The following FSTL1 variants were observed in gnomAD, a reference collection of about 807,000 sequenced individuals.
FSTL1 encodes follistatin-related protein 1.
FSTL1 carries 24 observed loss-of-function variants against 45.9 expected under a neutral mutation model. The observed-to-expected ratio is 0.52, with a 90% CI of 0.38 to 0.74. The LOEUF (loss-of-function observed/expected upper bound fraction) is 0.74. Among genes scored for constraint, FSTL1 ranks in the 30% least tolerant of loss-of-function variants. The pLI, the probability that FSTL1 is intolerant of heterozygous loss-of-function variation, is 0.00. For synonymous variants in FSTL1, 120 were observed against 137.6 expected, an observed-to-expected ratio of 0.87 and a Z score of 0.89; for missense variants, 340 against 381.8, an observed-to-expected ratio of 0.89 and a Z score of 0.91.
In FSTL1 at chr3:120,402,683, C is replaced by T. The variant is rs919973525; in HGVS notation, c.805+125G>A. 4.4e-6 allele frequency: 3 copies of T among 679,818 alleles called. No individual in the cohort carries two copies. In the African/African-American group the frequency reaches 5.3e-5, roughly 12 times the overall value. The allele number at this position is 679,818 out of a possible 1,614,324, so 42.1% of individuals were successfully genotyped here. A position where few individuals can be genotyped will look rare whatever the true frequency, so the allele number is the denominator to read the frequency against. On this transcript the variant is annotated intron_variant, in intron 9 of 10. Coordinates refer to ENST00000295633, the MANE Select transcript of FSTL1 (RefSeq NM_007085.5). ...GGGCTCCAACCTTACAGGTGTGGGT[C>T]TGCCTGGGTTCCTTGCTCCCAGCCA...
In FSTL1 at chr3:120,407,066, T is replaced by G. The variant is rs572758701; in HGVS notation, c.463-2095A>C. Among the ~76,000 whole-genome samples the G allele has an allele frequency of 8.5e-5, 13 of 152,340 alleles. 1 individual carries two copies. In the East Asian group the frequency reaches 2.3e-3, roughly 27 times the overall value. Reference sequence around the variant, plus strand: ...ATGCTACCCATCACATGAATTCAGGTGTGAAATTTTCCACTTATGGCATCA... The same window carrying G: ...ATGCTACCCATCACATGAATTCAGGGGTGAAATTTTCCACTTATGGCATCA... On this transcript the variant is annotated intron_variant, in intron 6 of 10. Coordinates refer to ENST00000295633, the MANE Select transcript of FSTL1 (RefSeq NM_007085.5).
intron 7 of FSTL1, among the ~76,000 whole-genome samples, chr3:120,403,982 AC>A (rs1222082036): frequency 0.013 from 1,429 of 108,450 alleles, 25 homozygotes; most frequent in African/African-American, 0.025. Context: ...ACAAAAAAAA[AC>A]AAAAAACAAA....
At chr3:120,438,321 C>T (rs568188301) in intron 2 of FSTL1, 8 of 152,306 alleles carry the variant, frequency 5.3e-5, no homozygotes, top group Admixed American at 2.0e-4. Context: ...TTCTTCATTT[C>T]TTCCCCAGTG....
chr3:120,402,151 C>A (rs779955129), intron 9 of FSTL1, among the ~76,000 whole-genome samples: 20 of 152,308 alleles, frequency 1.3e-4, no homozygotes, highest in Non-Finnish European at 2.9e-4. Context: ...CCCCAGACCA[C>A]CCTGCACATA....
intron 2 of FSTL1, among the ~76,000 whole-genome samples, chr3:120,420,685 A>T (rs1365840371): frequency 6.6e-6 from 1 of 152,192 alleles, no homozygotes; most frequent in East Asian, 1.9e-4. Flanking sequence ...ATTCTGGTTG[A>T]TCTGTAATTT....
At chr3:120,437,644 CAT>C (rs1491491967) in intron 2 of FSTL1, among the ~76,000 whole-genome samples, 1 of 152,088 alleles carries the variant, frequency 6.6e-6, no homozygotes, top group African/African-American at 2.4e-5. Flanking sequence ...CACACACACA[CAT>C]ATAGTCTACC....
In FSTL1 at chr3:120,399,906, C is replaced by T; in HGVS notation, c.859G>A (p.Val287Ile). ...TQTEEEMTRY[V>I]QELQKHQETA... ...ACCTGATGCTTTTGGAGCTCCTGGA[C>T]ATATCTGGTCATCTCCTCCTCTGTC... is the stretch of plus-strand genomic sequence containing the variant. The change falls in exon 10 of 11, where the codon GTC (valine) becomes ATC (isoleucine). Residue 287 changes from valine to isoleucine, a missense_variant. Transcript: ENST00000295633. 1.2e-6 allele frequency: 2 copies of T among 1,607,826 alleles called. No individual in the cohort carries two copies. Among genetic ancestry groups the T allele is most frequent in the Non-Finnish European group, 1.7e-6 (2 of 1,176,818 alleles).
At chr3:120,450,812 C>T (rs1559747557) in intron 1 of FSTL1, 66 bp from the exon 2 acceptor site, 1 of 1,239,580 alleles carries the variant, frequency 8.1e-7, no homozygotes, top group East Asian at 3.0e-5. Flanking sequence ...GAAACTTGCT[C>T]GGGTCCCGCA....
In FSTL1 at chr3:120,411,961, G is replaced by A. The variant is rs780379738; in HGVS notation, c.191C>T (p.Pro64Leu). Reference protein sequence around the residue: ...CIEQCKPHKRPVCGSNGKTYL... With the variant: ...CIEQCKPHKRLVCGSNGKTYL... Reference sequence around the variant, plus strand: ...GGTCTTGCCATTACTGCCACACACAGGCCTCTTGTGAGGTTTGCATTGCTG... The same window carrying A: ...GGTCTTGCCATTACTGCCACACACAAGCCTCTTGTGAGGTTTGCATTGCTG... Residue 64 changes from proline (P) to leucine (L), a missense_variant, in exon 4 of 11, where the codon CCT (proline) becomes CTT (leucine). By Grantham distance (98) the Pro-to-Leu change is moderately conservative (BLOSUM62 -3). Transcript: ENST00000295633. The A allele has an allele frequency of 1.2e-6, 2 of 1,612,540 alleles. No homozygotes were observed. The highest frequency in any genetic ancestry group is 1.7e-5 in the Admixed American group (1 of 59,936).
Position 120,395,907 on chromosome 3 carries a change from C to T in FSTL1, c.*1045G>A. The T allele has an allele frequency of 3.0e-6, 1 of 329,240 alleles. No homozygotes were observed. Among genetic ancestry groups the T allele is most frequent in the South Asian group, 2.6e-5 (1 of 38,826 alleles). The allele number at this position is 329,240 out of a possible 1,614,324, so 20.4% of individuals were successfully genotyped here. A position where few individuals can be genotyped will look rare whatever the true frequency, so the allele number is the denominator to read the frequency against. Reference sequence around the variant, plus strand: ...AAGCCCTGCTTGGCTGCCCTTGTCGCCATCCTTGGGAATACTGATTTGCCT... The same window carrying T: ...AAGCCCTGCTTGGCTGCCCTTGTCGTCATCCTTGGGAATACTGATTTGCCT... On this transcript the variant is annotated 3_prime_UTR_variant, in exon 11 of 11. Transcript: ENST00000295633.
chr3:120,441,446 A>G (rs551602736), intron 2 of FSTL1: 1 of 152,370 alleles, frequency 6.6e-6, no homozygotes, highest in African/African-American at 2.4e-5. Flanking sequence ...AAGAAACACT[A>G]CATAGAAGTT....
At position 120,400,015 on chromosome 3, in the gene FSTL1, T is replaced by A. The variant is rs544928601; in HGVS notation, c.806-56A>T. ...GCAGCTGTGGTAAGCCAGTGAGGAA[T>A]CCGCCAAGATCTACCTAGAGGCTCT... is the stretch of plus-strand genomic sequence containing the variant. On this transcript the variant is annotated intron_variant, in intron 9 of 10. Coordinates refer to ENST00000295633, the MANE Select transcript of FSTL1 (RefSeq NM_007085.5). 3.2e-5 allele frequency: 36 copies of A among 1,122,136 alleles called. No homozygotes were observed. In the Admixed American group the frequency reaches 6.9e-4, roughly 22 times the overall value. The allele number at this position is 1,122,136 out of a possible 1,614,324, so 69.5% of individuals were successfully genotyped here. A position where few individuals can be genotyped will look rare whatever the true frequency, so the allele number is the denominator to read the frequency against.
Position 120,404,876 on chromosome 3 carries a change from G to T in FSTL1, c.558C>A (p.Asp186Glu). The change falls in exon 7 of 11, where the codon GAC becomes GAA. Residue 186 changes from aspartate (D) to glutamate (E), a missense_variant. By Grantham distance (45) the Asp-to-Glu change is conservative (BLOSUM62 2). Transcript: ENST00000295633. ...ETAINITTYP[D>E]QENNKLLRGL... is the part of the protein sequence containing the mutation. ...ACCTAAGCAACTTGTTGTTCTCCTGGTCTGGATACGTTGTAATATTGATGG... is the reference window on the plus strand; with the variant it reads ...ACCTAAGCAACTTGTTGTTCTCCTGTTCTGGATACGTTGTAATATTGATGG... The T allele has an allele frequency of 6.4e-7, 1 of 1,573,792 alleles. No homozygotes were observed. The highest frequency in any genetic ancestry group is 8.7e-7 in the Non-Finnish European group (1 of 1,143,102).
rs1936742981 is a variant in FSTL1, at chr3:120,398,238, T to C, written c.883-1242A>G. 1.3e-5 allele frequency among the ~76,000 whole-genome samples: 2 copies of C among 152,198 alleles called. 1 individual carries two copies. Among genetic ancestry groups the C allele is most frequent in the South Asian group, 4.1e-4 (2 of 4,830 alleles). On this transcript the variant is annotated intron_variant, in intron 10 of 10. Transcript: ENST00000295633. ...GGTGAATTTTATGGTATATGAATCA[T>C]ATCTCAATTAAAGAAATAAATTTTT...
Position 120,403,327 on chromosome 3 carries a change from T to C in FSTL1, c.609A>G (p.Glu203=). The change falls in exon 8 of 11, where the codon GAA becomes GAG. Residue 203 remains glutamate (E), a synonymous_variant. Coordinates refer to ENST00000295633, the MANE Select transcript of FSTL1 (RefSeq NM_007085.5). ...TCCAATCAGCATTTTCATCAGACAG[T>C]TCAATGAGAGCATCAACACAGAGTC... ...LRGLCVDALI[E]LSDENADWKL... is the part of the protein sequence containing the mutation. 6.2e-7 allele frequency: 1 copy of C among 1,610,018 alleles called. No individual in the cohort carries two copies. The highest frequency in any genetic ancestry group is 8.5e-7 in the Non-Finnish European group (1 of 1,176,264).
At chr3:120,442,788 GAAAAAAAAA>G (rs749297340) in intron 2 of FSTL1, among the ~76,000 whole-genome samples, 13 of 53,264 alleles carry the variant, frequency 2.4e-4, no homozygotes, top group African/African-American at 1.0e-3. Context: ...TCTCAAAAAA[GAAAAAAAAA>G]AAAAAAAAAA....
rs886733294 is a variant in FSTL1 at position 120,444,111 on chromosome 3, T to G, written c.63+6573A>C. On this transcript the variant is annotated intron_variant, in intron 2 of 10. Transcript: ENST00000295633. ...AGATTCATCCAAAGAGCTTAGAAAC[T>G]TGGGCCAAAATCTGGTGTAAGTGCT... Among the ~76,000 whole-genome samples the G allele has an allele frequency of 2.7e-5, 4 of 149,916 alleles. 2 individuals carry two copies. Among genetic ancestry groups the G allele is most frequent in the African/African-American group, 1.0e-4 (4 of 39,268 alleles).
intron 2 of FSTL1, among the ~76,000 whole-genome samples, chr3:120,420,725 G>T (rs1937261828): frequency 1.3e-5 from 2 of 152,158 alleles, no homozygotes; most frequent in South Asian, 4.2e-4. Flanking sequence ...TTTTAGATAG[G>T]CAGGCAGGGG....
chr3:120,435,344 G>A (rs1461601674), intron 2 of FSTL1, among the ~76,000 whole-genome samples: 1 of 152,142 alleles, frequency 6.6e-6, no homozygotes, highest in Non-Finnish European at 1.5e-5. Context: ...TGCCTCATCT[G>A]CATTTGCTTA....
Sources: gnomAD v4.1 joint callset for allele counts (sites outside exome capture counted in the v4.1 genomes callset) on GRCh38, gnomAD v4.1.1 for gene constraint, MANE v1.5 for transcripts, NCBI Gene and HGNC (gene_info 2026-07-23, HGNC 2026-07-21) for gene names.